The following CSMD1 variants were observed in gnomAD, a reference collection of about 807,000 sequenced individuals.
CSMD1 encodes CUB and sushi domain-containing protein 1.
CSMD1 carries 213 observed loss-of-function variants against 417.5 expected under a neutral mutation model. The ratio of observed to expected loss-of-function variants is 0.51; its 90% confidence interval spans 0.46 to 0.57. CSMD1 has a LOEUF of 0.57. CSMD1 is among the 20% of genes least tolerant of loss of function. The probability of loss-of-function intolerance (pLI) is 0.00; values close to 1 mark genes in which losing one functional copy is unlikely to be tolerated. For missense variants in CSMD1, 6,923 were observed against 4,529.7 expected (o/e 1.53, Z -15.17); for synonymous variants, 2,862 against 1,736.8 (o/e 1.65, Z -16.11).
intron 3 of CSMD1, among the ~76,000 whole-genome samples, chr8:4,268,364 G>T (rs186896688): frequency 1.3e-5 from 2 of 152,044 alleles, no homozygotes; most frequent in Non-Finnish European, 2.9e-5. Context: ...TTTCCTCTTG[G>T]ATCAATACAC....
At chr8:2,940,434 G>A (rs1407139858) in intron 69 of CSMD1, among the ~76,000 whole-genome samples, 3 of 152,094 alleles carry the variant, frequency 2.0e-5, no homozygotes, top group Non-Finnish European at 4.4e-5. Context: ...AGGAAGGGAG[G>A]GAGTCCAGTT....
chr8:3,846,161 G>A (rs1050501556), intron 5 of CSMD1, among the ~76,000 whole-genome samples: 1 of 152,132 alleles, frequency 6.6e-6, no homozygotes, highest in African/African-American at 2.4e-5. Flanking sequence ...CAAGCATTAT[G>A]CATGGTACAT....
chr8:3,376,244 A>G (rs1810294878), intron 18 of CSMD1, among the ~76,000 whole-genome samples: 1 of 152,044 alleles, frequency 6.6e-6, no homozygotes. Flanking sequence ...CTATTGAAAT[A>G]TTAAGAAATA....
intron 20 of CSMD1, among the ~76,000 whole-genome samples, chr8:3,364,371 G>C (rs892239917): frequency 6.6e-6 from 1 of 152,110 alleles, no homozygotes; most frequent in African/African-American, 2.4e-5. Context: ...TCTTCTGCAG[G>C]CTTTAGGTAT....
At chr8:3,938,527 G>A (rs572791780) in intron 5 of CSMD1, among the ~76,000 whole-genome samples, 4 of 152,276 alleles carry the variant, frequency 2.6e-5, no homozygotes, top group South Asian at 2.1e-4. Context: ...GACAGACTCT[G>A]TTGGGGGATG....
At chr8:3,643,661 A>T (rs1280639051) in intron 7 of CSMD1, among the ~76,000 whole-genome samples, 1 of 142,204 alleles carries the variant, frequency 7.0e-6, no homozygotes, top group East Asian at 2.1e-4. Context: ...AGATCGCGCC[A>T]CTGCACCCCA....
intron 2 of CSMD1, among the ~76,000 whole-genome samples, chr8:4,529,884 TTA>T (rs202006563): frequency 5.1e-4 from 69 of 136,324 alleles, no homozygotes; most frequent in African/African-American, 1.9e-3. Context: ...TTTTTTTTTT[TTA>T]AATTTATTTA....
chr8:3,177,655 A>G (rs1821025275), intron 37 of CSMD1, among the ~76,000 whole-genome samples: 1 of 149,208 alleles, frequency 6.7e-6, no homozygotes, highest in Non-Finnish European at 1.5e-5. Context: ...AGAAATAATA[A>G]AAAAACAGAT....
intron 25 of CSMD1, among the ~76,000 whole-genome samples, chr8:3,285,360 C>T (rs1048919117): frequency 2.0e-5 from 3 of 151,202 alleles, no homozygotes; most frequent in African/African-American, 7.3e-5. Flanking sequence ...TCTTTATTTT[C>T]CTACATTTTG....
intron 1 of CSMD1, among the ~76,000 whole-genome samples, chr8:4,728,620 A>C (rs1268754930): frequency 2.6e-5 from 4 of 152,214 alleles, no homozygotes; most frequent in Non-Finnish European, 5.9e-5. Context: ...TTCCAAATAA[A>C]ATTCAAAGAC....
intron 4 of CSMD1, among the ~76,000 whole-genome samples, chr8:4,002,791 G>C (rs763882692): frequency 3.3e-5 from 5 of 152,106 alleles, no homozygotes; most frequent in African/African-American, 4.8e-5. Flanking sequence ...TGAATAGAAA[G>C]TTTTAAAATA....
At chr8:3,710,853 A>T (rs1392646851) in intron 6 of CSMD1, among the ~76,000 whole-genome samples, 1 of 152,110 alleles carries the variant, frequency 6.6e-6, no homozygotes, top group Non-Finnish European at 1.5e-5. Context: ...TTCCAGCCCC[A>T]AACTCCAAAC....
intron 6 of CSMD1, among the ~76,000 whole-genome samples, chr8:3,751,505 T>C (rs939229565): frequency 1.3e-5 from 2 of 148,982 alleles, no homozygotes; most frequent in African/African-American, 4.9e-5. Flanking sequence ...ATAAATAATG[T>C]AATTATAATT....
At chr8:4,841,639 G>A (rs974884748) in intron 1 of CSMD1, among the ~76,000 whole-genome samples, 13 of 152,126 alleles carry the variant, frequency 8.5e-5, no homozygotes, top group East Asian at 3.9e-4. Flanking sequence ...GGTCAGGCGC[G>A]GTGGCTCACG....
At chr8:3,103,262 A>G (rs1314378747) in intron 46 of CSMD1, among the ~76,000 whole-genome samples, 1 of 152,216 alleles carries the variant, frequency 6.6e-6, no homozygotes, top group Non-Finnish European at 1.5e-5. Flanking sequence ...AGTTATAGAA[A>G]TAAAAACTCT....
rs186008661 is a variant in CSMD1, at chr8:4,004,840, G to T, written c.611-6730C>A. On this transcript the variant is annotated intron_variant, in intron 4 of 69. Coordinates refer to ENST00000635120, the MANE Select transcript of CSMD1 (RefSeq NM_033225.6). ...GCTCACTGTAAGCTCCGCCTCCCGG[G>T]TTCACGCCATTCTCCTGCCTCAGCC... is the stretch of plus-strand genomic sequence containing the variant. Among the ~76,000 whole-genome samples the T allele has an allele frequency of 3.3e-3, 495 of 152,240 alleles. 3 individuals carry two copies. The highest frequency in any genetic ancestry group is 0.011 in the African/African-American group (467 of 41,528).
intron 36 of CSMD1, among the ~76,000 whole-genome samples, chr8:3,182,695 A>G (rs13275419): frequency 0.064 from 2,433 of 37,926 alleles, 84 homozygotes; most frequent in African/African-American, 0.17. Flanking sequence ...GTGTGTGTGT[A>G]TGTGTGTGTA....
chr8:4,883,672 C>T (rs138865704), intron 1 of CSMD1, among the ~76,000 whole-genome samples: 11 of 152,026 alleles, frequency 7.2e-5, no homozygotes, highest in East Asian at 5.8e-4. Context: ...CTTTTTATTG[C>T]GGAATAATAA....
intron 5 of CSMD1, among the ~76,000 whole-genome samples, chr8:3,787,805 A>G (rs1349541077): frequency 2.0e-5 from 3 of 152,200 alleles, no homozygotes; most frequent in African/African-American, 7.2e-5. Flanking sequence ...AGTACTTTAA[A>G]TGTGCTGGAA....
Sources: allele counts gnomAD v4.1 joint callset (sites outside exome capture counted in the v4.1 genomes callset), GRCh38; gene constraint gnomAD v4.1.1; transcripts MANE v1.5; gene names NCBI Gene and HGNC (gene_info 2026-07-23, HGNC 2026-07-21).